MGAT4C: variants seen among roughly 807,000 people sequenced by gnomAD.
MGAT4C encodes the protein alpha-1,3-mannosyl-glycoprotein 4-beta-N-acetylglucosaminyltransferase C.
In MGAT4C, 19 loss-of-function variants were observed where a neutral mutation model predicts 40.1. That is an observed-to-expected ratio of 0.47 (90% CI 0.33 to 0.70). The LOEUF (loss-of-function observed/expected upper bound fraction) is 0.70. Among genes scored for constraint, MGAT4C ranks in the 30% least tolerant of loss-of-function variants. The pLI, the probability that MGAT4C is intolerant of heterozygous loss-of-function variation, is 0.02. For missense variants in MGAT4C, 491 were observed against 563.2 expected, an observed-to-expected ratio of 0.87 and a Z score of 1.30; for synonymous variants, 181 against 187.1, an observed-to-expected ratio of 0.97 and a Z score of 0.27.
chr12:86,681,285 T>A (rs1949976623), intron 2 of MGAT4C, among the ~76,000 whole-genome samples: 1 of 151,966 alleles, frequency 6.6e-6, no homozygotes, highest in South Asian at 2.1e-4. Flanking sequence ...ATACACACCA[T>A]ATATAATAAA....
intron 2 of MGAT4C, among the ~76,000 whole-genome samples, chr12:86,718,020 G>A (rs1950674890): frequency 2.0e-5 from 3 of 152,130 alleles, no homozygotes; most frequent in Non-Finnish European, 2.9e-5. Context: ...ATCTGGCAGT[G>A]TCTGTAGACG....
At chr12:86,370,850 A>G (rs1278649160) in intron 3 of MGAT4C, among the ~76,000 whole-genome samples, 1 of 152,096 alleles carries the variant, frequency 6.6e-6, no homozygotes, top group Non-Finnish European at 1.5e-5. Flanking sequence ...CACTAGAAAT[A>G]CACACATAAA....
intron 3 of MGAT4C, among the ~76,000 whole-genome samples, chr12:86,341,151 AAGCAAG>A (rs1200273711): frequency 6.6e-6 from 1 of 152,142 alleles, no homozygotes; most frequent in Non-Finnish European, 1.5e-5. Context: ...GAATGAAGCA[AAGCAAG>A]ACAAGACAAT....
intron 2 of MGAT4C, among the ~76,000 whole-genome samples, chr12:86,633,927 A>C (rs936601871): frequency 1.3e-5 from 2 of 151,714 alleles, no homozygotes; most frequent in Non-Finnish European, 2.9e-5. Context: ...TTTTTTTATT[A>C]TCGCAATGGG....
intron 2 of MGAT4C, among the ~76,000 whole-genome samples, chr12:86,461,664 A>C (rs1040472399): frequency 3.9e-5 from 6 of 152,184 alleles, no homozygotes; most frequent in African/African-American, 1.4e-4. Context: ...AGGCTCATAA[A>C]GTGCACTAAG....
intron 2 of MGAT4C, among the ~76,000 whole-genome samples, chr12:86,588,047 C>T (rs944366977): frequency 6.6e-6 from 1 of 151,932 alleles, no homozygotes; most frequent in South Asian, 2.1e-4. Context: ...GGGAATCCTT[C>T]CAGTTTGTGC....
Position 86,528,822 on chromosome 12 carries a change from T to C in MGAT4C, c.-228-93557A>G, listed in dbSNP as rs373576317. On this transcript the variant is annotated intron_variant, in intron 2 of 7. Transcript: ENST00000548651. ...TAACTCTTTCCTTTCTTCTGACTGA[T>C]AATCAGCTTTTGACAGTTGATAATT... Among the ~76,000 whole-genome samples, 33 of 152,204 alleles carry C rather than the reference T, an allele frequency of 2.2e-4. 1 individual carries two copies. In the South Asian group the frequency reaches 6.4e-3, roughly 30 times the overall value.
chr12:86,391,903 G>A (rs180960197), intron 3 of MGAT4C, among the ~76,000 whole-genome samples: 6 of 152,154 alleles, frequency 3.9e-5, no homozygotes, highest in Admixed American at 2.6e-4. Flanking sequence ...GGCTGGCTGG[G>A]AAGCAAAGTT....
At position 85,973,909 on chromosome 12, in the gene MGAT4C, A is replaced by G. The variant is rs1883765298; in HGVS notation, c.*5380T>C. Reference sequence around the variant, plus strand: ...TTTCAATTTCAATGTTAAAAATAGGATATTAAACATCTCAGAAAATATTGG... The same window carrying G: ...TTTCAATTTCAATGTTAAAAATAGGGTATTAAACATCTCAGAAAATATTGG... On this transcript the variant is annotated 3_prime_UTR_variant, in exon 5 of 5. Coordinates refer to ENST00000611864, the MANE Select transcript of MGAT4C (RefSeq NM_001351288.2). The G allele has an allele frequency of 6.6e-6, 1 of 150,928 alleles. No homozygotes were observed. The highest frequency in any genetic ancestry group is 1.5e-5 in the Non-Finnish European group (1 of 67,140). 9.3% of individuals were successfully genotyped at this position (150,928 alleles called of 1,614,324 possible).
At chr12:86,635,059 A>G (rs75683925) in intron 2 of MGAT4C, among the ~76,000 whole-genome samples, 4,733 of 152,184 alleles carry the variant, frequency 0.031, 121 homozygotes, top group African/African-American at 0.074. Flanking sequence ...ATTTTCTAGT[A>G]TCTTTGTGCC....
At chr12:86,390,274 T>C (rs931453648) in intron 3 of MGAT4C, among the ~76,000 whole-genome samples, 5 of 152,224 alleles carry the variant, frequency 3.3e-5, no homozygotes, top group African/African-American at 4.8e-5. Context: ...AATACACATA[T>C]GAGTTTCTGG....
rs1333497590 is a variant in MGAT4C at position 85,979,050 on chromosome 12, T to G, written c.*239A>C. 5 of 298,146 alleles carry G rather than the reference T, an allele frequency of 1.7e-5. No homozygotes were observed. Among genetic ancestry groups the G allele is most frequent in the Non-Finnish European group, 2.5e-5 (4 of 161,844 alleles). The allele number at this position is 298,146 out of a possible 1,614,324, so 18.5% of individuals were successfully genotyped here. On this transcript the variant is annotated 3_prime_UTR_variant, in exon 5 of 5. Coordinates refer to ENST00000611864, the MANE Select transcript of MGAT4C (RefSeq NM_001351288.2). Reference sequence around the variant, plus strand: ...GTTGAAATTTTAAAACTAAGAACATTTAAAAATATAAATGAAAGTAGCATT... The same window carrying G: ...GTTGAAATTTTAAAACTAAGAACATGTAAAAATATAAATGAAAGTAGCATT...
intron 3 of MGAT4C, among the ~76,000 whole-genome samples, chr12:86,375,545 G>A (rs1291560656): frequency 6.6e-6 from 1 of 151,962 alleles, no homozygotes; most frequent in East Asian, 1.9e-4. Flanking sequence ...AGGAAAAAGA[G>A]GAATTTGTAT....
At chr12:86,752,255 T>C (rs1479600958) in intron 1 of MGAT4C, among the ~76,000 whole-genome samples, 2 of 152,102 alleles carry the variant, frequency 1.3e-5, no homozygotes, top group Non-Finnish European at 2.9e-5. Flanking sequence ...TGTTCAATCA[T>C]TCAGTTAGTG....
chr12:86,621,291 T>C (rs999093765), intron 2 of MGAT4C, among the ~76,000 whole-genome samples: 5 of 152,040 alleles, frequency 3.3e-5, no homozygotes, highest in African/African-American at 1.2e-4. Flanking sequence ...TTGAAACAAA[T>C]AGACATCTGG....
At chr12:86,834,121 T>G (rs1952987078) in intron 1 of MGAT4C, among the ~76,000 whole-genome samples, 1 of 151,444 alleles carries the variant, frequency 6.6e-6, no homozygotes. Flanking sequence ...TTTAAATATA[T>G]CTATCTCTAT....
At chr12:86,370,797 T>C (rs540627032) in intron 3 of MGAT4C, among the ~76,000 whole-genome samples, 2 of 152,190 alleles carry the variant, frequency 1.3e-5, no homozygotes, top group African/African-American at 4.8e-5. Context: ...ATTTCAATAG[T>C]ATTGACTATG....
chr12:86,135,501 C>T (rs554521090), intron 1 of MGAT4C, among the ~76,000 whole-genome samples: 6 of 152,118 alleles, frequency 3.9e-5, no homozygotes, highest in South Asian at 2.1e-4. Context: ...GGTGTAATTA[C>T]GCAAGCAAAT....
At chr12:86,699,461 T>C (rs1464134445) in intron 2 of MGAT4C, among the ~76,000 whole-genome samples, 1 of 152,138 alleles carries the variant, frequency 6.6e-6, no homozygotes, top group Non-Finnish European at 1.5e-5. Flanking sequence ...TCAGAGTGTA[T>C]ATATTAATTT....
Sources: allele counts gnomAD v4.1 joint callset (sites outside exome capture counted in the v4.1 genomes callset), GRCh38; gene constraint gnomAD v4.1.1; transcripts MANE v1.5; gene names NCBI Gene and HGNC (gene_info 2026-07-23, HGNC 2026-07-21).